The following RPRD1A variants were observed in gnomAD, a reference collection of about 807,000 sequenced individuals.
The protein encoded by RPRD1A is regulation of nuclear pre-mRNA domain containing 1A.
RPRD1A carries 9 observed loss-of-function variants against 37.8 expected under a neutral mutation model. That is an observed-to-expected ratio of 0.24 (90% CI 0.14 to 0.42). The LOEUF (loss-of-function observed/expected upper bound fraction) is 0.42. RPRD1A is among the 10% of genes least tolerant of loss of function. The pLI, the probability that RPRD1A is intolerant of heterozygous loss-of-function variation, is 1.00. For synonymous variants in RPRD1A, 138 were observed against 139.7 expected (o/e 0.99, Z 0.08); for missense variants, 255 against 371.0 (o/e 0.69, Z 2.57).
chr18:36,067,202 C>A, intron 1 of RPRD1A, 52 bp downstream of exon 1: 1 of 1,514,102 alleles, frequency 6.6e-7, no homozygotes, highest in East Asian at 2.5e-5. Context: ...CCCGGGGGCG[C>A]CTGGAGGCCG....
chr18:36,041,342 G>A (rs1026265288), intron 1 of RPRD1A, among the ~76,000 whole-genome samples: 3 of 151,802 alleles, frequency 2.0e-5, no homozygotes, highest in African/African-American at 7.3e-5. Flanking sequence ...CGAATTCTTT[G>A]GTATCCTCAT....
chr18:36,024,715 GA>G (rs1171210828), intron 6 of RPRD1A, among the ~76,000 whole-genome samples: 1 of 152,136 alleles, frequency 6.6e-6, no homozygotes, highest in African/African-American at 2.4e-5. Flanking sequence ...CACAATAGAT[GA>G]AAATTACTTG....
chr18:36,048,762 G>A (rs1201934367), intron 1 of RPRD1A, among the ~76,000 whole-genome samples: 2 of 152,060 alleles, frequency 1.3e-5, no homozygotes, highest in African/African-American at 2.4e-5. Flanking sequence ...TACACATGGT[G>A]CTGGAAATTC....
At chr18:36,066,639 A>C (rs1408354612) in intron 1 of RPRD1A, among the ~76,000 whole-genome samples, 1 of 152,224 alleles carries the variant, frequency 6.6e-6, no homozygotes, top group East Asian at 1.9e-4. Context: ...TAGGGCATAT[A>C]ATCATAGAAT....
chr18:36,036,405 C>T (rs1218162886), intron 1 of RPRD1A, among the ~76,000 whole-genome samples: 1 of 152,048 alleles, frequency 6.6e-6, no homozygotes, highest in Non-Finnish European at 1.5e-5. Context: ...TGGGTTATAT[C>T]AATCTCTCAA....
At chr18:36,023,389 G>A (rs1911142214) in intron 6 of RPRD1A, among the ~76,000 whole-genome samples, 1 of 152,204 alleles carries the variant, frequency 6.6e-6, no homozygotes, top group South Asian at 2.1e-4. Flanking sequence ...CACAGAAGTG[G>A]AGCCTGAAGA....
chr18:36,052,313 G>T (rs1029280371), intron 1 of RPRD1A, among the ~76,000 whole-genome samples: 4 of 151,448 alleles, frequency 2.6e-5, no homozygotes, highest in Non-Finnish European at 5.9e-5. Context: ...AGTCCTTCAG[G>T]ATGAAATTAA....
intron 1 of RPRD1A, chr18:36,064,241 G>T (rs1438862402): frequency 1.3e-5 from 2 of 152,516 alleles, no homozygotes; most frequent in Admixed American, 1.3e-4. Flanking sequence ...TCTCAGGGAG[G>T]TGTAGAGAGA....
chr18:35,994,067 G>A (rs1908875121), intron 6 of RPRD1A, among the ~76,000 whole-genome samples: 1 of 152,072 alleles, frequency 6.6e-6, no homozygotes, highest in Non-Finnish European at 1.5e-5. Context: ...TTCTCCAAAA[G>A]CTCAGCACCC....
At chr18:36,025,127 G>A (rs1911271503) in intron 6 of RPRD1A, 1 of 152,440 alleles carries the variant, frequency 6.6e-6, no homozygotes, top group Admixed American at 6.5e-5. Flanking sequence ...TTAGATTTAA[G>A]TAAAAACAGG....
At chr18:36,049,741 T>C (rs1292833945) in intron 1 of RPRD1A, among the ~76,000 whole-genome samples, 1 of 152,216 alleles carries the variant, frequency 6.6e-6, no homozygotes, top group African/African-American at 2.4e-5. Flanking sequence ...CTTTCACCTT[T>C]TGGCTGTTGT....
intron 6 of RPRD1A, among the ~76,000 whole-genome samples, chr18:36,009,270 C>A (rs1434903230): frequency 6.6e-6 from 1 of 152,092 alleles, no homozygotes; most frequent in African/African-American, 2.4e-5. Flanking sequence ...CTCAATCACT[C>A]CTGGCCCTCA....
intron 6 of RPRD1A, chr18:36,025,827 G>A: frequency 3.5e-6 from 1 of 287,346 alleles, no homozygotes; most frequent in Non-Finnish European, 6.6e-6. Context: ...GTGAAATAGT[G>A]GCAAGTTAAT....
intron 6 of RPRD1A, among the ~76,000 whole-genome samples, chr18:36,015,627 A>G (rs577068661): frequency 1.3e-5 from 2 of 152,344 alleles, no homozygotes; most frequent in Non-Finnish European, 2.9e-5. Context: ...TCAATGGATT[A>G]CTATTCGGCC....
rs968898559 is a variant in RPRD1A at position 36,029,944 on chromosome 18, T to C, written c.486+864A>G. Among the ~76,000 whole-genome samples the C allele has an allele frequency of 5.9e-5, 9 of 151,902 alleles. No individual in the cohort carries two copies. The South Asian group carries it at 1.7e-3, about 28-fold the overall frequency. On this transcript the variant is annotated intron_variant, in intron 4 of 6. Coordinates refer to ENST00000399022, the MANE Select transcript of RPRD1A (RefSeq NM_018170.5). ...CCTCAGCCTCCCGAGTAGCTGGGAC[T>C]ACAGGCGCCCGCCACCACGCCCAGC... is the stretch of plus-strand genomic sequence containing the variant.
rs1348356259 is a variant in RPRD1A, at chr18:36,033,299, C to CCAAAAAAAAAAAAA, written c.281+408_281+409insTTTTTTTTTTTTTG. On this transcript the variant is annotated intron_variant, in intron 2 of 6. Coordinates refer to ENST00000399022, the MANE Select transcript of RPRD1A (RefSeq NM_018170.5). ...CCTGGGTGAGAGTGAGACTCTGTCT[C>CCAAAAAAAAAAAAA]AAAAAAAAAAAAAAAAAAAAAAAAA... 9.7e-4 allele frequency among the ~76,000 whole-genome samples: 74 copies of CCAAAAAAAAAAAAA among 75,922 alleles called. 6 individuals are homozygous for CCAAAAAAAAAAAAA. The highest frequency in any genetic ancestry group is 4.2e-3 in the African/African-American group (72 of 17,180). The allele number at this position is 75,922 out of a possible 152,430, so 49.8% of individuals were successfully genotyped here. A position where few individuals can be genotyped will look rare whatever the true frequency, so the allele number is the denominator to read the frequency against.
At position 35,992,844 on chromosome 18, in the gene RPRD1A, T is replaced by C. The variant is rs1199591698; in HGVS notation, c.*307A>G. 4.2e-5 allele frequency: 9 copies of C among 212,830 alleles called. No individual in the cohort carries two copies. The highest frequency in any genetic ancestry group is 8.3e-5 in the Non-Finnish European group (9 of 108,800). 13.2% of individuals were successfully genotyped at this position (212,830 alleles called of 1,614,324 possible). A position where few individuals can be genotyped will look rare whatever the true frequency, so the allele number is the denominator to read the frequency against. ...AAACAATTGAAAATACCTGAAGAAA[T>C]ACAAACAAGAGATTTCTCACAAGGC... On this transcript the variant is annotated 3_prime_UTR_variant, in exon 7 of 7. Coordinates refer to ENST00000399022, the MANE Select transcript of RPRD1A (RefSeq NM_018170.5).
intron 1 of RPRD1A, among the ~76,000 whole-genome samples, chr18:36,036,562 T>C (rs1280500759): frequency 6.6e-6 from 1 of 152,174 alleles, no homozygotes; most frequent in Non-Finnish European, 1.5e-5. Flanking sequence ...TTCACTTTTA[T>C]CTTTGTAGGA....
intron 1 of RPRD1A, among the ~76,000 whole-genome samples, chr18:36,044,684 T>A (rs1194620969): frequency 3.3e-5 from 5 of 151,606 alleles, no homozygotes; most frequent in African/African-American, 1.2e-4. Context: ...CGAGACTCAG[T>A]ATCAAAAAAT....
Sources: gnomAD v4.1 joint callset for allele counts (sites outside exome capture counted in the v4.1 genomes callset) on GRCh38, gnomAD v4.1.1 for gene constraint, MANE v1.5 for transcripts, NCBI Gene and HGNC (gene_info 2026-07-23, HGNC 2026-07-21) for gene names.